Variants in CPNE4 observed in about 807,000 individuals in gnomAD.
CPNE4 encodes copine-4.
A neutral mutation model predicts 67.9 loss-of-function variants in CPNE4; 25 were observed. That is an observed-to-expected ratio of 0.37 (90% CI 0.27 to 0.51). The LOEUF is 0.51. Ranked by LOEUF, CPNE4 falls within the 20% of genes least tolerant of loss-of-function variation. The probability of loss-of-function intolerance (pLI) is 0.93; values close to 1 mark genes in which losing one functional copy is unlikely to be tolerated. For missense variants in CPNE4, 464 were observed against 690.8 expected (o/e 0.67, Z 3.68); for synonymous variants, 242 against 244.9 (o/e 0.99, Z 0.11).
chr3:131,679,358 A>C (rs190718332), intron 6 of CPNE4, among the ~76,000 whole-genome samples: 5 of 150,626 alleles, frequency 3.3e-5, no homozygotes. Flanking sequence ...GTCTACTATA[A>C]TATTATTAAA....
chr3:131,649,408 G>C (rs1187019049), intron 7 of CPNE4, among the ~76,000 whole-genome samples: 1 of 152,168 alleles, frequency 6.6e-6, no homozygotes, highest in African/African-American at 2.4e-5. Context: ...AGGAGAAAAA[G>C]CTAGTTCCTA....
At chr3:131,882,752 C>T (rs1317200613) in intron 2 of CPNE4, among the ~76,000 whole-genome samples, 11 of 135,552 alleles carry the variant, frequency 8.1e-5, no homozygotes, top group East Asian at 2.2e-4. Context: ...GACGGAGTCT[C>T]GCTCTGTTGC....
At chr3:131,660,068 ACCAT>A (rs2080083579) in intron 7 of CPNE4, among the ~76,000 whole-genome samples, 3 of 152,198 alleles carry the variant, frequency 2.0e-5, no homozygotes, top group Admixed American at 6.5e-5. Flanking sequence ...AACGATTACC[ACCAT>A]CTTTGTCCAG....
At chr3:131,566,157 A>G (rs892163469) in intron 10 of CPNE4, among the ~76,000 whole-genome samples, 5 of 151,916 alleles carry the variant, frequency 3.3e-5, no homozygotes, top group Admixed American at 6.6e-5. Flanking sequence ...AATTATTCCA[A>G]TATAAAATGC....
intron 2 of CPNE4, among the ~76,000 whole-genome samples, chr3:131,884,832 T>C (rs1171125780): frequency 6.6e-6 from 1 of 152,226 alleles, no homozygotes; most frequent in Non-Finnish European, 1.5e-5. Flanking sequence ...GACTTGTTCC[T>C]CCTTGCCTTC....
rs1582756422 is a variant in CPNE4 at position 131,542,435 on chromosome 3, A to C, written c.1539+122T>G. Reference sequence around the variant, plus strand: ...CATCTCCCACAGCAAGGGTATGTAGAGCATAGCTGGTGTTGCTTCAAGAAT... The same window carrying C: ...CATCTCCCACAGCAAGGGTATGTAGCGCATAGCTGGTGTTGCTTCAAGAAT... On this transcript the variant is annotated intron_variant, in intron 15 of 15. Coordinates refer to ENST00000429747, the MANE Select transcript of CPNE4 (RefSeq NM_130808.3). 1.3e-5 allele frequency: 10 copies of C among 755,972 alleles called. 1 individual carries two copies. In the South Asian group the frequency reaches 1.4e-4, roughly 11 times the overall value. The allele number at this position is 755,972 out of a possible 1,614,324, so 46.8% of individuals were successfully genotyped here.
At chr3:131,608,526 C>G (rs1939639785) in intron 7 of CPNE4, among the ~76,000 whole-genome samples, 1 of 152,078 alleles carries the variant, frequency 6.6e-6, no homozygotes. Context: ...TATGAGAACC[C>G]ACAGTGTGCC....
At chr3:131,543,967 G>C (rs1451450296) in intron 14 of CPNE4, among the ~76,000 whole-genome samples, 1 of 152,218 alleles carries the variant, frequency 6.6e-6, no homozygotes, top group East Asian at 1.9e-4. Context: ...GATGGGAATT[G>C]GAGGAAAGGT....
At chr3:131,646,534 C>G (rs2079669426) in intron 7 of CPNE4, among the ~76,000 whole-genome samples, 1 of 152,126 alleles carries the variant, frequency 6.6e-6, no homozygotes, top group Non-Finnish European at 1.5e-5. Flanking sequence ...GGGCTAAATT[C>G]AGAAAGAGAG....
chr3:131,612,351 G>A (rs1939897451), intron 7 of CPNE4, among the ~76,000 whole-genome samples: 3 of 152,104 alleles, frequency 2.0e-5, no homozygotes, highest in East Asian at 3.9e-4. Flanking sequence ...TTCAGCCTTG[G>A]CAACAGAGTG....
chr3:131,756,822 A>ATTC (rs2082762550), intron 2 of CPNE4, among the ~76,000 whole-genome samples: 1 of 152,172 alleles, frequency 6.6e-6, no homozygotes, highest in Admixed American at 6.5e-5. Flanking sequence ...GATGGAAGGG[A>ATTC]CCCAGGGGAA....
intron 1 of CPNE4, among the ~76,000 whole-genome samples, chr3:131,944,299 C>T (rs370752932): frequency 1.3e-5 from 2 of 151,904 alleles, no homozygotes; most frequent in East Asian, 1.9e-4. Context: ...ACAGTGGAAG[C>T]TGACAAATGA....
intron 11 of CPNE4, among the ~76,000 whole-genome samples, chr3:131,559,063 CAAG>C (rs765646358): frequency 2.6e-5 from 4 of 151,902 alleles, no homozygotes; most frequent in Non-Finnish European, 5.9e-5. Context: ...GCATCATATA[CAAG>C]AAGAATAATT....
intron 10 of CPNE4, among the ~76,000 whole-genome samples, 175 bp downstream of exon 10, chr3:131,574,896 C>G (rs1937511923): frequency 6.6e-6 from 1 of 152,044 alleles, no homozygotes; most frequent in Non-Finnish European, 1.5e-5. Context: ...TTAAAGAAAA[C>G]AGAAGTGTGA....
intron 1 of CPNE4, chr3:132,017,537 C>T (rs2073912233): frequency 1.3e-5 from 2 of 152,128 alleles, no homozygotes; most frequent in South Asian, 4.2e-4. Flanking sequence ...AGAGGGCACC[C>T]GGCACCTAGT....
chr3:131,786,529 A>G (rs1382919802), intron 2 of CPNE4, among the ~76,000 whole-genome samples: 1 of 152,186 alleles, frequency 6.6e-6, no homozygotes, highest in Non-Finnish European at 1.5e-5. Flanking sequence ...AAATAACTCC[A>G]TGAGATAAAC....
chr3:131,850,845 G>A (rs2107643550), intron 2 of CPNE4, among the ~76,000 whole-genome samples: 1 of 152,116 alleles, frequency 6.6e-6, no homozygotes, highest in Admixed American at 6.6e-5. Flanking sequence ...CATACATCTA[G>A]TAAGTAACAG....
At chr3:131,830,883 C>T (rs545317557) in intron 2 of CPNE4, among the ~76,000 whole-genome samples, 1 of 151,820 alleles carries the variant, frequency 6.6e-6, no homozygotes, top group African/African-American at 2.4e-5. Flanking sequence ...GTACAAGGTA[C>T]CAGATAAAAG....
intron 1 of CPNE4, among the ~76,000 whole-genome samples, chr3:132,003,858 C>A (rs1294500420): frequency 6.6e-6 from 1 of 151,982 alleles, no homozygotes; most frequent in African/African-American, 2.4e-5. Context: ...CAGCTAGGGG[C>A]CATGGAAGCT....
Sources: allele counts gnomAD v4.1 joint callset (sites outside exome capture counted in the v4.1 genomes callset), GRCh38; gene constraint gnomAD v4.1.1; transcripts MANE v1.5; gene names NCBI Gene and HGNC (gene_info 2026-07-23, HGNC 2026-07-21).